Variants in ATP2B2 observed in about 807,000 individuals in gnomAD.
ATP2B2 encodes ATPase plasma membrane Ca2+ transporting 2, also known as plasma membrane calcium-transporting ATPase 2.
Under a neutral mutation model 120.0 loss-of-function variants are expected in ATP2B2, and 15 were observed. The ratio of observed to expected loss-of-function variants is 0.12; its 90% CI spans 0.08 to 0.19. ATP2B2 has a LOEUF of 0.19. ATP2B2 is among the 10% of genes least tolerant of loss of function. ATP2B2 has a pLI of 1.00. For synonymous variants in ATP2B2, 694 were observed against 700.3 expected (o/e 0.99, Z 0.14); for missense variants, 1,045 against 1,719.8 (o/e 0.61, Z 6.94).
chr3:10,564,647 C>T lies in ATP2B2; in HGVS notation c.-414-30514G>A, dbSNP rs2067973776. Among the ~76,000 whole-genome samples the T allele has an allele frequency of 2.6e-5, 4 of 152,222 alleles. No individual in the cohort carries two copies. In the South Asian group the frequency reaches 8.3e-4, roughly 32 times the overall value. Reference sequence around the variant, plus strand: ...TGTGAATTGATTTTGTGGCCAGAGCCTCCTAATTCTTAGAGGCCTTGCTAC... The same window carrying T: ...TGTGAATTGATTTTGTGGCCAGAGCTTCCTAATTCTTAGAGGCCTTGCTAC... On this transcript the variant is annotated intron_variant, in intron 2 of 21. Coordinates refer to the ATP2B2 transcript ENST00000646379.
At chr3:10,431,960 G>A (rs2063330055) in intron 2 of ATP2B2, among the ~76,000 whole-genome samples, 3 of 152,204 alleles carry the variant, frequency 2.0e-5, no homozygotes, top group Admixed American at 2.0e-4. Flanking sequence ...AAGCATGGTA[G>A]AAGAAAATCA....
rs904180174 is a variant in ATP2B2 at position 10,683,120 on chromosome 3, GT to G, written c.-460+24794del. 4.2e-3 allele frequency among the ~76,000 whole-genome samples: 622 copies of G among 146,764 alleles called. 6 individuals are homozygous for G. Among genetic ancestry groups the G allele is most frequent in the African/African-American group, 0.013 (537 of 39,942 alleles). ...TGACCTTTACAACCCCTCTGCCAGG[GT>G]TTTTTTTTTCTTTTACTTTTTTATT... On this transcript the variant is annotated intron_variant, in intron 1 of 21. Coordinates refer to the ATP2B2 transcript ENST00000646379.
chr3:10,520,757 C>CTTTTTTTTTT (rs5846668), intron 3 of ATP2B2, among the ~76,000 whole-genome samples: 1 of 145,724 alleles, frequency 6.9e-6, no homozygotes, highest in Non-Finnish European at 1.5e-5. Context: ...CACCTGGCCT[C>CTTTTTTTTTT]TTTTTTTTTT....
In ATP2B2 at chr3:10,327,968, C is replaced by T. The variant is rs1292984965; in HGVS notation, c.*846G>A. ...TTATAGCATCTCAGCCACCAGTGTT[C>T]TTAAACCATACAAATAGCCAAAGAC... On this transcript the variant is annotated 3_prime_UTR_variant, in exon 23 of 23. Transcript: ENST00000360273. 1.3e-5 allele frequency: 2 copies of T among 152,616 alleles called. No individual in the cohort carries two copies. Among genetic ancestry groups the T allele is most frequent in the African/African-American group, 4.8e-5 (2 of 41,442 alleles). 9.5% of individuals were successfully genotyped at this position (152,616 alleles called of 1,614,324 possible). A position where few individuals can be genotyped will look rare whatever the true frequency, so the allele number is the denominator to read the frequency against.
At chr3:10,632,131 T>C (rs564120300) in intron 1 of ATP2B2, among the ~76,000 whole-genome samples, 1 of 152,336 alleles carries the variant, frequency 6.6e-6, no homozygotes, top group African/African-American at 2.4e-5. Flanking sequence ...AGCCTGCAGA[T>C]GGTTTTTTGT....
chr3:10,378,355 C>T lies in ATP2B2; in HGVS notation c.1098G>A (p.Glu366=). The T allele has an allele frequency of 1.2e-6, 2 of 1,606,566 alleles. No homozygotes were observed. Among genetic ancestry groups the T allele is most frequent in the South Asian group, 2.2e-5 (2 of 91,088 alleles). ...AMEMQPLKSA[E]GGDADDRKKA... ...TCTTCCTGTCGTCAGCGTCGCCGCC[C>T]TCGGCACTCTTGAGGGGCTGCATCT... Residue 366 remains glutamate (E), a synonymous_variant, in exon 10 of 23, where the codon GAG becomes GAA. Transcript: ENST00000360273.
At chr3:10,464,215 C>T (rs73018784) in intron 1 of ATP2B2, among the ~76,000 whole-genome samples, 2,421 of 152,250 alleles carry the variant, frequency 0.016, 26 homozygotes, top group Non-Finnish European at 0.025. Flanking sequence ...AATAATGCCG[C>T]ACCACACTCC....
intron 2 of ATP2B2, among the ~76,000 whole-genome samples, chr3:10,613,454 C>CA (rs1022455576): frequency 6.6e-6 from 1 of 152,118 alleles, no homozygotes; most frequent in Non-Finnish European, 1.5e-5. Flanking sequence ...TAAGTGGGGG[C>CA]AGTCTTATTG....
chr3:10,363,675 T>C (rs151310301), intron 12 of ATP2B2, among the ~76,000 whole-genome samples: 45 of 151,852 alleles, frequency 3.0e-4, no homozygotes, highest in African/African-American at 9.9e-4. Flanking sequence ...AGAAAAACCA[T>C]AGCATATATC....
At chr3:10,678,986 A>C (rs2071314794) in intron 1 of ATP2B2, among the ~76,000 whole-genome samples, 1 of 152,174 alleles carries the variant, frequency 6.6e-6, no homozygotes, top group South Asian at 2.1e-4. Context: ...GGCCTGACTT[A>C]ATCAGGTGAT....
At chr3:10,517,872 C>G (rs1285744379) in intron 3 of ATP2B2, among the ~76,000 whole-genome samples, 1 of 152,224 alleles carries the variant, frequency 6.6e-6, no homozygotes, top group East Asian at 1.9e-4. Context: ...CTTGCTTTCC[C>G]TGTCGTTGAG....
intron 2 of ATP2B2, among the ~76,000 whole-genome samples, chr3:10,578,933 G>A (rs780125757): frequency 1.3e-5 from 2 of 152,192 alleles, no homozygotes; most frequent in Admixed American, 6.5e-5. Flanking sequence ...GGGAAGGGGC[G>A]GTGGCCTCCT....
rs1387721316 is a variant in ATP2B2, at chr3:10,327,670, G to A, written c.*1144C>T. The A allele has an allele frequency of 6.5e-6, 1 of 152,724 alleles. No individual in the cohort carries two copies. Among genetic ancestry groups the A allele is most frequent in the Non-Finnish European group, 1.5e-5 (1 of 68,056 alleles). 9.5% of individuals were successfully genotyped at this position (152,724 alleles called of 1,614,324 possible). On this transcript the variant is annotated 3_prime_UTR_variant, in exon 23 of 23. Coordinates refer to ENST00000360273, the MANE Select transcript of ATP2B2 (RefSeq NM_001001331.4). ...TCAAGCGAGTTTCATTGAGAGAAAA[G>A]TCTTCGAGCAGTGCTTTGCAGATCC...
chr3:10,580,806 G>A (rs372793273), intron 2 of ATP2B2, among the ~76,000 whole-genome samples: 2 of 152,184 alleles, frequency 1.3e-5, no homozygotes, highest in African/African-American at 2.4e-5. Context: ...GCCACATCAG[G>A]CTTCAATTGC....
chr3:10,610,245 G>A (rs1436034374), intron 2 of ATP2B2, among the ~76,000 whole-genome samples: 1 of 151,542 alleles, frequency 6.6e-6, no homozygotes, highest in African/African-American at 2.4e-5. Flanking sequence ...GAGGTCTGAT[G>A]ATCACATTCC....
In ATP2B2 at chr3:10,409,512, G is replaced by T. The variant is rs113713736; in HGVS notation, c.397+1106C>A. On this transcript the variant is annotated intron_variant, in intron 3 of 22. Coordinates refer to ENST00000360273, the MANE Select transcript of ATP2B2 (RefSeq NM_001001331.4). ...CTCAATCATGGCAGCAATTACAGCTGGTTTCTTTGCTTCCATTCCTTTTCT... is the reference window on the plus strand; with the variant it reads ...CTCAATCATGGCAGCAATTACAGCTTGTTTCTTTGCTTCCATTCCTTTTCT... 9.2e-3 allele frequency among the ~76,000 whole-genome samples: 1,408 copies of T among 152,232 alleles called. 26 individuals carry two copies. Among genetic ancestry groups the T allele is most frequent in the African/African-American group, 0.031 (1,274 of 41,536 alleles).
intron 2 of ATP2B2, among the ~76,000 whole-genome samples, chr3:10,436,747 C>T (rs190066518): frequency 2.6e-5 from 4 of 152,302 alleles, no homozygotes; most frequent in East Asian, 1.9e-4. Flanking sequence ...CTGTTGTTTA[C>T]GACCGACGTG....
chr3:10,505,033 G>A (rs2066561550), intron 1 of ATP2B2, among the ~76,000 whole-genome samples: 1 of 152,188 alleles, frequency 6.6e-6, no homozygotes, highest in Non-Finnish European at 1.5e-5. Flanking sequence ...GCACCCTCCA[G>A]TCCTCTTGGT....
rs2059856410 is a variant in ATP2B2 at position 10,326,256 on chromosome 3, T to G, written c.*2558A>C. On this transcript the variant is annotated 3_prime_UTR_variant, in exon 23 of 23. Coordinates refer to ENST00000360273, the MANE Select transcript of ATP2B2 (RefSeq NM_001001331.4). Reference sequence around the variant, plus strand: ...CAGTGAGTTTTGACAAACCAACCATTTCGTGTGTGTGTGTGTGTATGTGTG... The same window carrying G: ...CAGTGAGTTTTGACAAACCAACCATGTCGTGTGTGTGTGTGTGTATGTGTG... 1 of 153,524 alleles carries G rather than the reference T, an allele frequency of 6.5e-6. No homozygotes were observed. The highest frequency in any genetic ancestry group is 1.4e-5 in the Non-Finnish European group (1 of 69,250). 9.5% of individuals were successfully genotyped at this position (153,524 alleles called of 1,614,324 possible).
Sources: allele counts gnomAD v4.1 joint callset (sites outside exome capture counted in the v4.1 genomes callset), GRCh38; gene constraint gnomAD v4.1.1; transcripts MANE v1.5; gene names NCBI Gene and HGNC (gene_info 2026-07-23, HGNC 2026-07-21).